Variants in DNAH3 observed in about 807,000 individuals in gnomAD.
The protein encoded by DNAH3 is dynein axonemal heavy chain 3, also known as axonemal beta dynein heavy chain 3.
A neutral mutation model predicts 432.5 loss-of-function variants in DNAH3; 332 were observed. The observed-to-expected ratio is 0.77, with a 90% confidence interval of 0.70 to 0.84. The LOEUF (loss-of-function observed/expected upper bound fraction) is 0.84. DNAH3 is among the 40% of genes least tolerant of loss of function. The pLI, the probability that DNAH3 is intolerant of heterozygous loss-of-function variation, is 0.00. For missense variants in DNAH3, 4,861 were observed against 5,114.0 expected, an observed-to-expected ratio of 0.95 and a Z score of 1.51; for synonymous variants, 1,956 against 1,900.2, an observed-to-expected ratio of 1.03 and a Z score of -0.76.
At chr16:21,127,433 C>T (rs951516844) in intron 8 of DNAH3, among the ~76,000 whole-genome samples, 10 of 151,508 alleles carry the variant, frequency 6.6e-5, no homozygotes, top group Non-Finnish European at 1.5e-4. Context: ...TGGTGGCATG[C>T]ACCTGTAGTC....
At chr16:21,101,405 TA>T (rs2152796148) in intron 16 of DNAH3, among the ~76,000 whole-genome samples, 1 of 152,314 alleles carries the variant, frequency 6.6e-6, no homozygotes, top group Non-Finnish European at 1.5e-5. Flanking sequence ...TTCATATAAA[TA>T]AATTCCTATA....
At chr16:21,018,632 C>T (rs896291300) in intron 41 of DNAH3, among the ~76,000 whole-genome samples, 20 of 152,248 alleles carry the variant, frequency 1.3e-4, no homozygotes, top group Admixed American at 1.0e-3. Flanking sequence ...CAGTGGCTCA[C>T]GCCTGTAATC....
chr16:21,023,783 TGG>T (rs199659541), intron 39 of DNAH3, among the ~76,000 whole-genome samples: 4 of 114,088 alleles, frequency 3.5e-5, no homozygotes, highest in African/African-American at 1.6e-4. Flanking sequence ...TGGCAGCTTT[TGG>T]GGTGTGTGTG....
At chr16:20,981,858 G>A (rs1334130811) in intron 49 of DNAH3, among the ~76,000 whole-genome samples, 1 of 151,582 alleles carries the variant, frequency 6.6e-6, no homozygotes, top group Non-Finnish European at 1.5e-5. Flanking sequence ...GGAACATCCA[G>A]AATGACTGAT....
exon 6 of DNAH3, chr16:21,136,381 C>A: frequency 6.2e-7 from 1 of 1,614,034 alleles, no homozygotes; most frequent in South Asian, 1.1e-5. Flanking sequence ...ACGAGGACCA[C>A]CATCAGGGGC....
At chr16:20,987,365 C>T (rs756388004) in exon 47 of DNAH3, 4 of 1,614,048 alleles carry the variant, frequency 2.5e-6, no homozygotes, top group Non-Finnish European at 3.4e-6. Flanking sequence ...TGAAAAAGAC[C>T]TGTCTGTCCT....
intron 53 of DNAH3, among the ~76,000 whole-genome samples, chr16:20,960,924 T>G (rs879336139): frequency 2.0e-5 from 3 of 152,192 alleles, no homozygotes; most frequent in Non-Finnish European, 4.4e-5. Context: ...CCCATAAAAT[T>G]TGATCCAGAA....
At chr16:21,076,473 G>C (rs1194820774) in intron 20 of DNAH3, among the ~76,000 whole-genome samples, 1 of 152,124 alleles carries the variant, frequency 6.6e-6, no homozygotes, top group South Asian at 2.1e-4. Flanking sequence ...AAAATTATGA[G>C]AGGTCATTAT....
intron 5 of DNAH3, among the ~76,000 whole-genome samples, chr16:21,139,320 C>CTTTTATTTTTTTTTTTT (rs2092687340): frequency 3.4e-5 from 1 of 29,614 alleles, no homozygotes; most frequent in Non-Finnish European, 5.3e-5. Context: ...TTTCCTCATG[C>CTTTTATTTTTTTTTTTT]TTTTTTTTTT....
intron 31 of DNAH3, 152 bp downstream of exon 31, chr16:21,049,417 G>GA: frequency 1.7e-6 from 1 of 605,986 alleles, no homozygotes; most frequent in Non-Finnish European, 2.9e-6. Context: ...CTCCTTGAGA[G>GA]TCCTTTTGTT....
intron 32 of DNAH3, among the ~76,000 whole-genome samples, chr16:21,040,358 A>ATCTTTTTTTTTTTTTTTTTTTTTTTTTT (rs771791969): frequency 1.3e-5 from 1 of 79,744 alleles, no homozygotes; most frequent in African/African-American, 5.6e-5. Context: ...AGCCAGACAG[A>ATCTTTTTTTTTTTTTTTTTTTTTTTTTT]TTTTTTTTTT....
intron 44 of DNAH3, among the ~76,000 whole-genome samples, chr16:20,988,344 G>A (rs998283548): frequency 6.6e-6 from 1 of 152,194 alleles, no homozygotes; most frequent in African/African-American, 2.4e-5. Context: ...CAGATATAGA[G>A]CATCTCCATA....
At chr16:21,125,202 G>A (rs778087361) in exon 9 of DNAH3, 1 of 1,609,880 alleles carries the variant, frequency 6.2e-7, no homozygotes, top group East Asian at 2.2e-5. Context: ...GGGAAACGAG[G>A]TCCTCAAGTG....
intron 36 of DNAH3, among the ~76,000 whole-genome samples, chr16:21,032,791 A>C (rs957704045): frequency 3.3e-5 from 5 of 152,028 alleles, no homozygotes; most frequent in Admixed American, 1.3e-4. Context: ...ATCTCTAAAA[A>C]CCATTAAAAA....
At chr16:21,045,234 G>A (rs2089640490) in intron 31 of DNAH3, among the ~76,000 whole-genome samples, 1 of 151,804 alleles carries the variant, frequency 6.6e-6, no homozygotes, top group Non-Finnish European at 1.5e-5. Context: ...GATTGGAATG[G>A]TTTCAGAAGG....
At chr16:21,011,746 A>G (rs1427557600) in intron 41 of DNAH3, among the ~76,000 whole-genome samples, 5 of 152,188 alleles carry the variant, frequency 3.3e-5, no homozygotes, top group Admixed American at 3.3e-4. Flanking sequence ...CTAACTTTAA[A>G]TGAAGCAGGA....
chr16:21,069,332 G>T, intron 23 of DNAH3, 83 bp downstream of exon 23: 1 of 1,228,726 alleles, frequency 8.1e-7, no homozygotes, highest in Non-Finnish European at 1.2e-6. Context: ...TCATTTACAA[G>T]TTTCAAGGAA....
intron 18 of DNAH3, among the ~76,000 whole-genome samples, chr16:21,087,520 C>CA (rs2091417078): frequency 6.7e-6 from 1 of 150,288 alleles, no homozygotes; most frequent in East Asian, 2.0e-4. Flanking sequence ...CCCATCTCTA[C>CA]AAAAAATGAG....
At chr16:21,142,871 C>G (rs2092738573) in intron 3 of DNAH3, among the ~76,000 whole-genome samples, 1 of 152,060 alleles carries the variant, frequency 6.6e-6, no homozygotes, top group Admixed American at 6.6e-5. Context: ...CCAGGCTGGT[C>G]TCCAACTCCT....
Sources: gnomAD v4.1 joint callset for allele counts (sites outside exome capture counted in the v4.1 genomes callset) on GRCh38, gnomAD v4.1.1 for gene constraint, MANE v1.5 for transcripts, NCBI Gene and HGNC (gene_info 2026-07-23, HGNC 2026-07-21) for gene names.